SMARCA4: variants seen among roughly 807,000 people sequenced by gnomAD.
SMARCA4 encodes SWI/SNF-related matrix-associated actin-dependent regulator of chromatin subfamily A member 4.
A neutral mutation model predicts 193.9 loss-of-function variants in SMARCA4; 31 were observed. The ratio of observed to expected loss-of-function variants is 0.16; its 90% CI spans 0.12 to 0.22. SMARCA4 has a LOEUF of 0.22. Ranked by LOEUF, SMARCA4 falls within the 10% of genes least tolerant of loss-of-function variation. SMARCA4 has a pLI of 1.00. For missense variants in SMARCA4, 1,148 were observed against 2,296.0 expected (o/e 0.50, Z 10.22); for synonymous variants, 942 against 933.1 (o/e 1.01, Z -0.17).
At position 11,031,123 on chromosome 19, in the gene SMARCA4, A is replaced by G. The variant is rs527815353; in HGVS notation, c.3546+230A>G. 8.3e-5 allele frequency: 48 copies of G among 576,146 alleles called. No homozygotes were observed. Among genetic ancestry groups the G allele is most frequent in the African/African-American group, 7.8e-4 (42 of 53,572 alleles). The allele number at this position is 576,146 out of a possible 1,614,324, so 35.7% of individuals were successfully genotyped here. A position where few individuals can be genotyped will look rare whatever the true frequency, so the allele number is the denominator to read the frequency against. ...TTCCCTCTGATTGGGAAAGCAGTGT[A>G]TAAGCCATCCGTCGGTTTGGTTTTT... is the stretch of plus-strand genomic sequence containing the variant. On this transcript the variant is annotated intron_variant, in intron 25 of 34. Coordinates refer to ENST00000344626, the MANE Select transcript of SMARCA4 (RefSeq NM_003072.5). This position sits in a 1 kb window ranked among gnomAD's most constrained non-coding sequence, Gnocchi z 4.3.
chr19:11,042,170 C>T (rs150652212), intron 30 of SMARCA4, among the ~76,000 whole-genome samples: 90 of 152,340 alleles, frequency 5.9e-4, no homozygotes, highest in Non-Finnish European at 1.0e-3. Context: ...GTCCTATATA[C>T]GAGGCAGCAT....
chr19:10,985,944 T>C lies in SMARCA4; in HGVS notation c.356-245T>C, dbSNP rs1044762074. Among the ~76,000 whole-genome samples, 5 of 152,122 alleles carry C rather than the reference T, an allele frequency of 3.3e-5. No homozygotes were observed. The highest frequency in any genetic ancestry group is 1.2e-4 in the African/African-American group (5 of 41,404). ...AAGCCGGGAGAGAGCCGTGATTTCA[T>C]GCACAGGTTCTCAGCATTAACCAGA... On this transcript the variant is annotated intron_variant, in intron 3 of 34. Transcript: ENST00000344626. The surrounding 1 kb of genome is among the most constrained non-coding windows in gnomAD (Gnocchi z 4.5).
chr19:11,019,399 C>A lies in SMARCA4; in HGVS notation c.2506-192C>A. ...CTGGCCTGCACTGCTTCCTCTTCCC[C>A]CTGCAGCGCGTGTTCTGCGTGGTGA... is the stretch of plus-strand genomic sequence containing the variant. On this transcript the variant is annotated intron_variant, in intron 17 of 34. Coordinates refer to ENST00000344626, the MANE Select transcript of SMARCA4 (RefSeq NM_003072.5). The surrounding 1 kb of genome is among the most constrained non-coding windows in gnomAD (Gnocchi z 6.1). The A allele has an allele frequency of 6.4e-6, 4 of 623,738 alleles. No individual in the cohort carries two copies. The highest frequency in any genetic ancestry group is 1.2e-5 in the Non-Finnish European group (4 of 346,514). The allele number at this position is 623,738 out of a possible 1,614,324, so 38.6% of individuals were successfully genotyped here.
chr19:10,987,922 C>T lies in SMARCA4; in HGVS notation c.1116C>T (p.Tyr372=), dbSNP rs878854198. 1 of 1,612,270 alleles carries T rather than the reference C, an allele frequency of 6.2e-7. No individual in the cohort carries two copies. Among genetic ancestry groups the T allele is most frequent in the Non-Finnish European group, 8.5e-7 (1 of 1,179,916 alleles). The stretch of plus-strand genomic sequence containing the variant: ...TGGAGATCCTGCAGGAGCGCGAGTA[C>T]AGGTGAGGGCGGGGCCCAGTTGCCA... ...DPVEILQERE[Y]RLQARIAHRI... The change falls in exon 6 of 35, where the codon TAC becomes TAT. Residue 372 remains tyrosine, a splice_region_variant and synonymous_variant. Coordinates refer to ENST00000344626, the MANE Select transcript of SMARCA4 (RefSeq NM_003072.5). The surrounding 1 kb of genome is among the most constrained non-coding windows in gnomAD (Gnocchi z 5.3).
intron 29 of SMARCA4, among the ~76,000 whole-genome samples, chr19:11,039,281 G>A (rs2075437066): frequency 6.6e-6 from 1 of 152,150 alleles, no homozygotes; most frequent in African/African-American, 2.4e-5. Context: ...TGGAACCTAG[G>A]AGTTGGAGTT....
chr19:11,058,106 CA>C lies in SMARCA4; in HGVS notation c.4425-136del, dbSNP rs34910111. 37,674 of 502,050 alleles carry C rather than the reference CA, an allele frequency of 0.075. No homozygotes were observed. Among genetic ancestry groups the C allele is most frequent in the East Asian group, 0.087 (2,515 of 28,744 alleles). The allele number at this position is 502,050 out of a possible 1,614,324, so 31.1% of individuals were successfully genotyped here. ...GGGCAGCAAGAGCGAAACTCCGTCT[CA>C]AAAAAAAAAAAAGCGCATGTGCAAG... On this transcript the variant is annotated intron_variant, in intron 30 of 34. Coordinates refer to ENST00000344626, the MANE Select transcript of SMARCA4 (RefSeq NM_003072.5). The surrounding 1 kb of genome is among the most constrained non-coding windows in gnomAD (Gnocchi z 5.8).
chr19:10,985,186 CCT>C lies in SMARCA4; in HGVS notation c.223-85_223-84del. 1 of 1,445,514 alleles carries C rather than the reference CCT, an allele frequency of 6.9e-7. No homozygotes were observed. Among genetic ancestry groups the C allele is most frequent in the Non-Finnish European group, 9.7e-7 (1 of 1,029,706 alleles). The allele number at this position is 1,445,514 out of a possible 1,614,324, so 89.5% of individuals were successfully genotyped here. A position where few individuals can be genotyped will look rare whatever the true frequency, so the allele number is the denominator to read the frequency against. The stretch of plus-strand genomic sequence containing the variant: ...ATCTTCGGGTGGCTGTTCTCGGTGC[CCT>C]CGAGCTTCTCTCGGGCAGCGCATAG... On this transcript the variant is annotated intron_variant, in intron 2 of 34. Coordinates refer to ENST00000344626, the MANE Select transcript of SMARCA4 (RefSeq NM_003072.5). The surrounding 1 kb of genome is among the most constrained non-coding windows in gnomAD (Gnocchi z 4.5).
chr19:11,008,176 C>T (rs1450340949), intron 14 of SMARCA4, 153 bp downstream of exon 14: 7 of 726,392 alleles, frequency 9.6e-6, no homozygotes, highest in Non-Finnish European at 1.5e-5. Flanking sequence ...ATTTACTTCA[C>T]ATTTCATGTA....
intron 8 of SMARCA4, among the ~76,000 whole-genome samples, chr19:10,993,164 T>G (rs752815783): frequency 6.6e-6 from 1 of 151,882 alleles, no homozygotes; most frequent in Non-Finnish European, 1.5e-5. Context: ...TTTTGTACTT[T>G]TAGTAGAGAT....
intron 19 of SMARCA4, among the ~76,000 whole-genome samples, chr19:11,023,151 C>T (rs12609589): frequency 0.12 from 18,454 of 152,156 alleles, 1,391 homozygotes; most frequent in Admixed American, 0.19. Context: ...GCCCCTGCAG[C>T]GCTCCTGGCA....
chr19:10,984,071 C>G lies in SMARCA4; in HGVS notation c.-31-50C>G. On this transcript the variant is annotated intron_variant, in intron 1 of 34. Transcript: ENST00000344626. The surrounding 1 kb of genome is among the most constrained non-coding windows in gnomAD (Gnocchi z 4.3). ...ATGATTGTCCCTTGCTATCCCTGTC[C>G]TGCCTCGCCCTTGGTCATGAACCCC... 2 of 1,489,554 alleles carry G rather than the reference C, an allele frequency of 1.3e-6. No individual in the cohort carries two copies. The highest frequency in any genetic ancestry group is 1.1e-5 in the South Asian group (1 of 87,414). The allele number at this position is 1,489,554 out of a possible 1,614,324, so 92.3% of individuals were successfully genotyped here.
rs1292379390 is a variant in SMARCA4, at chr19:11,019,070, G to A, written c.2505+47G>A. On this transcript the variant is annotated intron_variant, in intron 17 of 34. Transcript: ENST00000344626. This position sits in a 1 kb window ranked among gnomAD's most constrained non-coding sequence, Gnocchi z 6.1. Reference sequence around the variant, plus strand: ...TTCCTCTCTTGCTACGGAGGTGCAGGCGGTGGTGGGCAGGACGTCCACACA... The same window carrying A: ...TTCCTCTCTTGCTACGGAGGTGCAGACGGTGGTGGGCAGGACGTCCACACA... The A allele has an allele frequency of 7.6e-6, 11 of 1,444,478 alleles. No homozygotes were observed. Among genetic ancestry groups the A allele is most frequent in the Non-Finnish European group, 1.1e-5 (11 of 1,025,324 alleles). 89.5% of individuals were successfully genotyped at this position (1,444,478 alleles called of 1,614,324 possible). A position where few individuals can be genotyped will look rare whatever the true frequency, so the allele number is the denominator to read the frequency against.
rs2074875389 is a variant in SMARCA4, at chr19:11,030,797, C to T, written c.3450C>T (p.Phe1150=). The stretch of plus-strand genomic sequence containing the variant: ...TCAACGAGCCCGGCTCTGAGTACTT[C>T]ATCTTCCTGCTCAGCACCCGGGCTG... ...KTFNEPGSEY[F]IFLLSTRAGG... is the part of the protein sequence containing the mutation. The change falls in exon 25 of 35, where the codon TTC becomes TTT. Residue 1150 remains phenylalanine (F), a synonymous_variant. Coordinates refer to ENST00000344626, the MANE Select transcript of SMARCA4 (RefSeq NM_003072.5). This position sits in a 1 kb window ranked among gnomAD's most constrained non-coding sequence, Gnocchi z 5.5. 3 of 1,609,416 alleles carry T rather than the reference C, an allele frequency of 1.9e-6. No homozygotes were observed. In the African/African-American group the frequency reaches 4.0e-5, roughly 21 times the overall value.
chr19:10,970,085 C>T (rs1412568655), intron 1 of SMARCA4, among the ~76,000 whole-genome samples: 1 of 152,144 alleles, frequency 6.6e-6, no homozygotes, highest in African/African-American at 2.4e-5. Flanking sequence ...CTTTTGATCA[C>T]AGCTGAGTTT....
At chr19:10,967,868 A>T (rs1395659566) in intron 1 of SMARCA4, among the ~76,000 whole-genome samples, 4 of 142,516 alleles carry the variant, frequency 2.8e-5, no homozygotes, top group Admixed American at 1.4e-4. Context: ...ATTTTTTTTT[A>T]ATTTTTATTT....
chr19:11,048,802 T>G (rs896008669), intron 30 of SMARCA4, among the ~76,000 whole-genome samples: 4 of 152,332 alleles, frequency 2.6e-5, no homozygotes, highest in Admixed American at 6.5e-5. Flanking sequence ...CTGGCAGAAT[T>G]GTGTTTGACG....
At chr19:10,968,610 C>T (rs925236961) in intron 1 of SMARCA4, among the ~76,000 whole-genome samples, 1 of 151,920 alleles carries the variant, frequency 6.6e-6, no homozygotes, top group Non-Finnish European at 1.5e-5. Flanking sequence ...CACTTCCTGA[C>T]TAGCTGTGAT....
chr19:11,007,992 G>A lies in SMARCA4; in HGVS notation c.2092G>A (p.Val698Ile), dbSNP rs1600168349. 6.2e-7 allele frequency: 1 copy of A among 1,613,590 alleles called. No individual in the cohort carries two copies. The highest frequency in any genetic ancestry group is 1.1e-5 in the South Asian group (1 of 91,056). Reference protein sequence around the residue: ...KKIPDPDSDDVSEVDARHIIE... With the variant: ...KKIPDPDSDDISEVDARHIIE... The stretch of plus-strand genomic sequence containing the variant: ...GATTCCAGATCCAGACAGCGATGAC[G>A]TCTCTGAGGTGGACGCGCGGCACAT... The change falls in exon 14 of 35, where the codon GTC becomes ATC. Residue 698 changes from valine (V) to isoleucine (I), a missense_variant. Physicochemically the swap from Val to Ile is conservative, Grantham distance 29. This residue lies in a region of SMARCA4 where 115 missense variants were observed against 175.1 expected (regional missense o/e 0.66). Transcript: ENST00000344626.
In SMARCA4 at chr19:11,030,980, C is replaced by A. The variant is rs2146607761; in HGVS notation, c.3546+87C>A. 3 of 1,220,430 alleles carry A rather than the reference C, an allele frequency of 2.5e-6. No individual in the cohort carries two copies. The highest frequency in any genetic ancestry group is 3.5e-6 in the Non-Finnish European group (3 of 853,572). 75.6% of individuals were successfully genotyped at this position (1,220,430 alleles called of 1,614,324 possible). A position where few individuals can be genotyped will look rare whatever the true frequency, so the allele number is the denominator to read the frequency against. On this transcript the variant is annotated intron_variant, in intron 25 of 34. Transcript: ENST00000344626. The surrounding 1 kb of genome is among the most constrained non-coding windows in gnomAD (Gnocchi z 5.5). ...AGACGGCCCTGGCTTGAGGGTCCTC[C>A]AGCCTCCTCCACATTGTCTTGGACC...
Sources: gnomAD v4.1 joint callset for allele counts (sites outside exome capture counted in the v4.1 genomes callset) on GRCh38, gnomAD v4.1.1 for gene constraint, gnomAD v4.1.1 regional missense constraint, Gnocchi (gnomAD v3.1) non-coding constraint, MANE v1.5 for transcripts, NCBI Gene and HGNC (gene_info 2026-07-23, HGNC 2026-07-21) for gene names.